The following GARNL3 variants were observed in gnomAD, a reference collection of about 807,000 sequenced individuals.
The protein encoded by GARNL3 is GTPase activating Rap/RanGAP domain like 3, also known as GTPase-activating Rap/Ran-GAP domain-like protein 3.
In GARNL3, 63 loss-of-function variants were observed where a neutral mutation model predicts 125.0. The observed-to-expected ratio is 0.50, with a 90% CI of 0.41 to 0.62. GARNL3 has a LOEUF of 0.62. Ranked by LOEUF, GARNL3 falls within the 20% of genes least tolerant of loss-of-function variation. GARNL3 has a pLI of 0.00. For synonymous variants in GARNL3, 439 were observed against 457.5 expected (o/e 0.96, Z 0.52); for missense variants, 994 against 1,244.0 (o/e 0.80, Z 3.02).
At position 127,325,060 on chromosome 9, in the gene GARNL3, A is replaced by G. The variant is rs941564463; in HGVS notation, c.568-9A>G. On this transcript the variant is annotated splice_polypyrimidine_tract_variant and intron_variant, in intron 6 of 27. Coordinates refer to ENST00000373387, the MANE Select transcript of GARNL3 (RefSeq NM_032293.5). ...GCCTGGATGTAACTTTTAAAACTTT[A>G]TTTGACAGGACTTGCTGGTTCTTGA... is the stretch of plus-strand genomic sequence containing the variant. 3.7e-6 allele frequency: 6 copies of G among 1,613,034 alleles called. No individual in the cohort carries two copies. Among genetic ancestry groups the G allele is most frequent in the Non-Finnish European group, 5.1e-6 (6 of 1,179,246 alleles).
At chr9:127,231,912 G>A (rs181193805) in intron 1 of GARNL3, among the ~76,000 whole-genome samples, 7 of 152,208 alleles carry the variant, frequency 4.6e-5, no homozygotes, top group Middle Eastern at 3.4e-3. Flanking sequence ...TTTTTAACAC[G>A]CTCATAAATA....
rs528401301 is a variant in GARNL3, at chr9:127,280,315, A to G, written c.145-10853A>G. 6.6e-6 allele frequency among the ~76,000 whole-genome samples: 1 copy of G among 151,934 alleles called. No individual in the cohort carries two copies. The highest frequency in any genetic ancestry group is 1.9e-4 in the East Asian group (1 of 5,178). On this transcript the variant is annotated intron_variant, in intron 1 of 27. Transcript: ENST00000373387. This position sits in a 1 kb window ranked among gnomAD's most constrained non-coding sequence, Gnocchi z 4.5. ...GGACCACATTCTCTAAGATGGACTC[A>G]CTCTCCCTCCCTACTTCTTGCCCAG...
chr9:127,363,060 C>G (rs1831096764), intron 21 of GARNL3: 2 of 152,308 alleles, frequency 1.3e-5, no homozygotes, highest in Non-Finnish European at 2.9e-5. Flanking sequence ...GAGGGGCCAG[C>G]AGTGAGCAGC....
At chr9:127,287,023 C>T (rs2064269131) in intron 1 of GARNL3, among the ~76,000 whole-genome samples, 2 of 152,128 alleles carry the variant, frequency 1.3e-5, no homozygotes, top group Admixed American at 1.3e-4. Context: ...GGGTTCTAGC[C>T]AGTGGAGAAG....
chr9:127,353,746 A>C, intron 17 of GARNL3, 100 bp from the exon 18 acceptor site: 61 of 787,412 alleles, frequency 7.7e-5, no homozygotes, highest in Middle Eastern at 2.3e-4. Flanking sequence ...TTCCTTGCCT[A>C]GAGATAACTT....
intron 21 of GARNL3, chr9:127,365,029 T>C: frequency 2.3e-6 from 1 of 427,682 alleles, no homozygotes; most frequent in Non-Finnish European, 4.2e-6. Context: ...ACAGAGCTTC[T>C]CAACGGCTAT....
intron 21 of GARNL3, among the ~76,000 whole-genome samples, chr9:127,360,450 A>G (rs1218055718): frequency 6.6e-6 from 1 of 152,222 alleles, no homozygotes; most frequent in Non-Finnish European, 1.5e-5. Context: ...TGCAGTGCAC[A>G]GCTCCCAGCA....
intron 1 of GARNL3, among the ~76,000 whole-genome samples, chr9:127,233,658 C>T (rs1251116712): frequency 6.6e-6 from 1 of 152,164 alleles, no homozygotes; most frequent in East Asian, 1.9e-4. Flanking sequence ...TTTTGAATTA[C>T]AAATGGAAAA....
At chr9:127,377,742 C>T (rs1234447634) in intron 22 of GARNL3, among the ~76,000 whole-genome samples, 1 of 145,058 alleles carries the variant, frequency 6.9e-6, no homozygotes, top group Non-Finnish European at 1.5e-5. Context: ...AAGCTGAGAT[C>T]GTGCCATTGC....
chr9:127,250,723 G>T (rs1290434077), intron 2 of GARNL3, among the ~76,000 whole-genome samples: 4 of 152,114 alleles, frequency 2.6e-5, no homozygotes, highest in Non-Finnish European at 4.4e-5. Context: ...TGAAGGGAGA[G>T]GGATGTGGAT....
At chr9:127,273,244 A>C (rs759180424) in intron 1 of GARNL3, among the ~76,000 whole-genome samples, 10 of 152,168 alleles carry the variant, frequency 6.6e-5, no homozygotes, top group Non-Finnish European at 1.3e-4. Flanking sequence ...ACCCAGGTCT[A>C]TCTGCCTCCG....
intron 9 of GARNL3, among the ~76,000 whole-genome samples, chr9:127,333,429 T>C (rs1463404449): frequency 6.6e-6 from 1 of 152,166 alleles, no homozygotes; most frequent in African/African-American, 2.4e-5. Context: ...TAAACCAACA[T>C]GGGGTCCTCC....
upstream of GARNL3, chr9:127,264,421 A>G (rs1344096318): frequency 1.4e-6 from 1 of 701,032 alleles, no homozygotes; most frequent in African/African-American, 1.9e-5. Context: ...CCACATAAAA[A>G]TCCTAAATTA....
intron 16 of GARNL3, among the ~76,000 whole-genome samples, chr9:127,346,355 T>A (rs1830138590): frequency 6.6e-6 from 1 of 152,156 alleles, no homozygotes; most frequent in African/African-American, 2.4e-5. Context: ...AAGGTATAGA[T>A]GATGTGAGCC....
chr9:127,344,707 G>A (rs2131620237), intron 15 of GARNL3, among the ~76,000 whole-genome samples: 1 of 152,324 alleles, frequency 6.6e-6, no homozygotes, highest in Non-Finnish European at 1.5e-5. Flanking sequence ...ACTGGCAGGA[G>A]GAAGCACAGA....
chr9:127,299,041 G>A (rs987254244), intron 2 of GARNL3, among the ~76,000 whole-genome samples: 1 of 152,178 alleles, frequency 6.6e-6, no homozygotes, highest in Non-Finnish European at 1.5e-5. Flanking sequence ...GTCAGGCCAG[G>A]CACGGTGGCT....
At chr9:127,275,916 G>A (rs1365640429) in intron 1 of GARNL3, among the ~76,000 whole-genome samples, 2 of 151,994 alleles carry the variant, frequency 1.3e-5, no homozygotes, top group African/African-American at 2.4e-5. Flanking sequence ...CAAACTGTGC[G>A]TGCATAATAG....
chr9:127,344,112 G>A (rs1446407301), intron 14 of GARNL3, 123 bp from the exon 15 acceptor site: 1 of 691,572 alleles, frequency 1.4e-6, no homozygotes, highest in African/African-American at 1.8e-5. Context: ...AATGCTTATT[G>A]AGTGAATGAA....
At chr9:127,295,214 AG>A (rs1383801154) in intron 2 of GARNL3, among the ~76,000 whole-genome samples, 2 of 152,224 alleles carry the variant, frequency 1.3e-5, no homozygotes, top group Non-Finnish European at 2.9e-5. Context: ...TACATGCCAC[AG>A]GCATGTCAGA....
Sources: gnomAD v4.1 joint callset for allele counts (sites outside exome capture counted in the v4.1 genomes callset) on GRCh38, gnomAD v4.1.1 for gene constraint, Gnocchi (gnomAD v3.1) non-coding constraint, MANE v1.5 for transcripts, NCBI Gene and HGNC (gene_info 2026-07-23, HGNC 2026-07-21) for gene names.